Variants in RAPGEF4 observed in about 807,000 individuals in gnomAD.
The protein encoded by RAPGEF4 is Rap guanine nucleotide exchange factor 4.
Under a neutral mutation model 147.9 loss-of-function variants are expected in RAPGEF4, and 66 were observed. That is an observed-to-expected ratio of 0.45 (90% confidence interval 0.37 to 0.55). The LOEUF is 0.55. RAPGEF4 is among the 20% of genes least tolerant of loss of function. The pLI, the probability that RAPGEF4 is intolerant of heterozygous loss-of-function variation, is 0.00. For missense variants in RAPGEF4, 1,071 were observed against 1,257.3 expected (o/e 0.85, Z 2.24); for synonymous variants, 419 against 442.7 (o/e 0.95, Z 0.67).
intron 29 of RAPGEF4, among the ~76,000 whole-genome samples, chr2:173,037,521 T>C (rs1321950123): frequency 1.3e-5 from 2 of 152,238 alleles, no homozygotes; most frequent in Admixed American, 6.5e-5. Context: ...TTTATTTTCT[T>C]ATCTTCTGTG....
At chr2:172,815,856 A>T (rs1180123725) in intron 4 of RAPGEF4, among the ~76,000 whole-genome samples, 1 of 152,208 alleles carries the variant, frequency 6.6e-6, no homozygotes, top group Non-Finnish European at 1.5e-5. Flanking sequence ...GAACATTAAA[A>T]CAAACTTATT....
intron 17 of RAPGEF4, among the ~76,000 whole-genome samples, chr2:173,008,882 C>T (rs777749178): frequency 2.8e-4 from 42 of 152,124 alleles, no homozygotes; most frequent in Non-Finnish European, 4.7e-4. Context: ...ACGGCAGAGC[C>T]GGCATGAGGA....
chr2:172,965,745 A>G, intron 9 of RAPGEF4, 62 bp downstream of exon 9: 1 of 1,603,808 alleles, frequency 6.2e-7, no homozygotes, highest in Non-Finnish European at 8.5e-7. Context: ...TCCCTGGGTA[A>G]GTAGTTGCTG....
intron 4 of RAPGEF4, among the ~76,000 whole-genome samples, chr2:172,881,148 A>G (rs1013598617): frequency 8.5e-5 from 13 of 152,148 alleles, no homozygotes; most frequent in South Asian, 4.1e-4. Flanking sequence ...ACACTTCCCA[A>G]CTACTCTGAT....
intron 1 of RAPGEF4, among the ~76,000 whole-genome samples, chr2:172,784,802 T>A (rs949896521): frequency 5.9e-5 from 9 of 152,166 alleles, no homozygotes; most frequent in Non-Finnish European, 1.0e-4. Context: ...AACTTCTGTG[T>A]CTAAATGTGT....
At chr2:172,921,091 G>GT (rs528784245) in intron 5 of RAPGEF4, among the ~76,000 whole-genome samples, 1 of 151,658 alleles carries the variant, frequency 6.6e-6, no homozygotes, top group Non-Finnish European at 1.5e-5. Context: ...GAGCACTCAG[G>GT]TTTTTTGCTT....
Position 172,967,255 on chromosome 2 carries a change from C to T in RAPGEF4, c.821-6C>T. The T allele has an allele frequency of 6.2e-7, 1 of 1,610,048 alleles. No homozygotes were observed. Among genetic ancestry groups the T allele is most frequent in the Admixed American group, 1.7e-5 (1 of 59,864 alleles). ...CAGCTGACACGTGCTTCCATGTTTC[C>T]CATAGTGGACCAGGAGCACCATTTC... On this transcript the variant is annotated splice_region_variant and splice_polypyrimidine_tract_variant and intron_variant, in intron 9 of 30. Transcript: ENST00000397081.
chr2:172,865,173 C>T (rs1043752742), intron 4 of RAPGEF4, among the ~76,000 whole-genome samples: 1 of 152,168 alleles, frequency 6.6e-6, no homozygotes, highest in African/African-American at 2.4e-5. Flanking sequence ...CTGGACCCCT[C>T]GGCACAACTG....
intron 4 of RAPGEF4, among the ~76,000 whole-genome samples, chr2:172,889,579 G>A (rs1311589089): frequency 6.6e-6 from 1 of 151,768 alleles, no homozygotes; most frequent in Non-Finnish European, 1.5e-5. Flanking sequence ...TTTACAAGGG[G>A]ACATGTTTAT....
At chr2:172,825,155 A>C (rs559744886) in intron 4 of RAPGEF4, among the ~76,000 whole-genome samples, 95 of 152,372 alleles carry the variant, frequency 6.2e-4, no homozygotes, top group African/African-American at 1.9e-3. Flanking sequence ...AATGCATTTA[A>C]TACACCTAAG....
intron 6 of RAPGEF4, among the ~76,000 whole-genome samples, chr2:172,956,706 G>A (rs539084532): frequency 2.6e-5 from 4 of 152,234 alleles, no homozygotes; most frequent in South Asian, 4.1e-4. Context: ...TCCTGACCTC[G>A]TGATCTGCCC....
At chr2:172,954,051 C>G (rs1371129734) in intron 6 of RAPGEF4, among the ~76,000 whole-genome samples, 2 of 152,072 alleles carry the variant, frequency 1.3e-5, no homozygotes, top group African/African-American at 4.8e-5. Flanking sequence ...TTCTCCTTGC[C>G]AGAGCCACAA....
chr2:172,769,233 A>G (rs72902261), intron 1 of RAPGEF4, among the ~76,000 whole-genome samples: 15,928 of 150,816 alleles, frequency 0.11, 866 homozygotes, highest in Middle Eastern at 0.15. Flanking sequence ...AAAGGCATAC[A>G]CATTTATTAG....
chr2:172,826,167 G>T (rs565354102), intron 4 of RAPGEF4, among the ~76,000 whole-genome samples: 1 of 152,268 alleles, frequency 6.6e-6, no homozygotes, highest in African/African-American at 2.4e-5. Context: ...TCCATGCCAT[G>T]CCCTCCCACA....
rs1343609250 is a variant in RAPGEF4, at chr2:173,052,803, A to AGAC, written c.*1037_*1039dup. 5 of 152,532 alleles carry AGAC rather than the reference A, an allele frequency of 3.3e-5. No individual in the cohort carries two copies. The highest frequency in any genetic ancestry group is 1.2e-4 in the African/African-American group (5 of 41,448). The allele number at this position is 152,532 out of a possible 1,614,324, so 9.4% of individuals were successfully genotyped here. A position where few individuals can be genotyped will look rare whatever the true frequency, so the allele number is the denominator to read the frequency against. On this transcript the variant is annotated 3_prime_UTR_variant, in exon 31 of 31. Coordinates refer to ENST00000397081, the MANE Select transcript of RAPGEF4 (RefSeq NM_007023.4). ...TACATTTTTTCCTGTTTTCACAATT[A>AGAC]GACTACATTTAATGTGTAGGAATTG...
intron 4 of RAPGEF4, among the ~76,000 whole-genome samples, chr2:172,822,743 G>A (rs2149635615): frequency 6.6e-6 from 1 of 152,254 alleles, no homozygotes; most frequent in Admixed American, 6.5e-5. Flanking sequence ...TGCTTCCCTT[G>A]GCCGTGCACT....
intron 4 of RAPGEF4, among the ~76,000 whole-genome samples, chr2:172,888,814 A>G (rs191023922): frequency 4.4e-4 from 67 of 152,268 alleles, no homozygotes; most frequent in Non-Finnish European, 6.9e-4. Context: ...AGAGTTTCTC[A>G]TATTTATCTG....
intron 4 of RAPGEF4, among the ~76,000 whole-genome samples, chr2:172,912,259 T>C (rs1381287923): frequency 6.6e-6 from 1 of 152,262 alleles, no homozygotes; most frequent in Admixed American, 6.5e-5. Context: ...GTTGAAAATC[T>C]TAATAGGTTT....
At chr2:172,893,853 T>C (rs988646557) in intron 4 of RAPGEF4, 1 of 152,278 alleles carries the variant, frequency 6.6e-6, no homozygotes, top group Non-Finnish European at 1.5e-5. Flanking sequence ...CTCCTGCCAC[T>C]ACCAGTGTGC....
Sources: gnomAD v4.1 joint callset for allele counts (sites outside exome capture counted in the v4.1 genomes callset) on GRCh38, gnomAD v4.1.1 for gene constraint, MANE v1.5 for transcripts, NCBI Gene and HGNC (gene_info 2026-07-23, HGNC 2026-07-21) for gene names.